Variants in ADD1 observed in about 807,000 individuals in gnomAD.
The protein encoded by ADD1 is alpha-adducin.
Under a neutral mutation model 80.5 loss-of-function variants are expected in ADD1, and 24 were observed. The observed-to-expected ratio is 0.30, with a 90% CI of 0.22 to 0.42. The LOEUF is 0.42. Ranked by LOEUF, ADD1 falls within the 10% of genes least tolerant of loss-of-function variation. The probability of loss-of-function intolerance (pLI) is 1.00; values close to 1 mark genes in which losing one functional copy is unlikely to be tolerated. For synonymous variants in ADD1, 373 were observed against 393.8 expected, an observed-to-expected ratio of 0.95 and a Z score of 0.63; for missense variants, 948 against 1,019.0, an observed-to-expected ratio of 0.93 and a Z score of 0.95.
chr4:2,844,686 T>G (rs1725909889), intron 1 of ADD1: 1 of 152,230 alleles, frequency 6.6e-6, no homozygotes, highest in Non-Finnish European at 1.5e-5. Flanking sequence ...GTAATTTGCA[T>G]TCACTTTATG....
chr4:2,906,643 C>T (rs1737117917), intron 10 of ADD1, among the ~76,000 whole-genome samples: 1 of 152,202 alleles, frequency 6.6e-6, no homozygotes, highest in Non-Finnish European at 1.5e-5. Context: ...AGGTTGGTAT[C>T]TTTTCATTTA....
chr4:2,898,839 G>A (rs960909954), intron 8 of ADD1: 6 of 422,798 alleles, frequency 1.4e-5, no homozygotes, highest in Non-Finnish European at 2.6e-5. Flanking sequence ...CATATGTGAT[G>A]TCACGTGACC....
chr4:2,907,149 A>G (rs1382201396), intron 10 of ADD1: 1 of 152,298 alleles, frequency 6.6e-6, no homozygotes, highest in African/African-American at 2.4e-5. Flanking sequence ...TATATAAAAT[A>G]TTCGACATCA....
At chr4:2,907,958 C>T in intron 11 of ADD1, 114 bp downstream of exon 11, 2 of 803,932 alleles carry the variant, frequency 2.5e-6, no homozygotes, top group Non-Finnish European at 4.3e-6. Context: ...CTGTTGTTGC[C>T]ACTGTTGCAG....
chr4:2,895,563 G>T (rs1735053335), intron 6 of ADD1, among the ~76,000 whole-genome samples: 1 of 152,152 alleles, frequency 6.6e-6, no homozygotes, highest in Non-Finnish European at 1.5e-5. Context: ...CAACCAGCAG[G>T]ACCCAGGCTG....
At chr4:2,896,045 G>A (rs1240061616) in intron 6 of ADD1, among the ~76,000 whole-genome samples, 1 of 141,624 alleles carries the variant, frequency 7.1e-6, no homozygotes, top group Non-Finnish European at 1.5e-5. Context: ...CCGCCACCTC[G>A]CATGGCTAAT....
In ADD1 at chr4:2,894,703, T is replaced by C. The variant is rs1734897126; in HGVS notation, c.713T>C (p.Val238Ala). Residue 238 changes from valine (V) to alanine (A), a missense_variant, in exon 6 of 16, where the codon GTG (valine) becomes GCG (alanine). Transcript: ENST00000683351. ...GCACGCCCGGACGTGAAGTGCGTCG[T>C]GCACATTCACACCCCAGCAGGGGCT... is the stretch of plus-strand genomic sequence containing the variant. ...YAARPDVKCV[V>A]HIHTPAGAAV... 1 of 1,603,196 alleles carries C rather than the reference T, an allele frequency of 6.2e-7. No individual in the cohort carries two copies. The highest frequency in any genetic ancestry group is 1.8e-5 in the Admixed American group (1 of 56,680).
chr4:2,885,900 C>A (rs141051695), intron 4 of ADD1, among the ~76,000 whole-genome samples: 101 of 151,994 alleles, frequency 6.6e-4, no homozygotes, highest in Middle Eastern at 3.4e-3. Context: ...GTGAGCCACC[C>A]TGCCCGGCCC....
At chr4:2,916,409 C>T (rs1193421305) in intron 14 of ADD1, among the ~76,000 whole-genome samples, 1 of 151,810 alleles carries the variant, frequency 6.6e-6, no homozygotes. Flanking sequence ...TTGGCCAGGA[C>T]GGTCTCAATG....
At chr4:2,907,925 T>G in intron 11 of ADD1, 81 bp downstream of exon 11, 1 of 1,153,430 alleles carries the variant, frequency 8.7e-7, no homozygotes, top group Non-Finnish European at 1.3e-6. Flanking sequence ...GAGCGGGTGC[T>G]TGCTTCTAGC....
intron 1 of ADD1, among the ~76,000 whole-genome samples, chr4:2,871,914 T>A (rs1247794365): frequency 6.6e-6 from 1 of 152,222 alleles, no homozygotes; most frequent in Non-Finnish European, 1.5e-5. Context: ...TACAGTTTGT[T>A]TCAATCAGGA....
At chr4:2,900,217 A>G (rs1256027266) in intron 9 of ADD1, 1 of 152,904 alleles carries the variant, frequency 6.5e-6, no homozygotes, top group Non-Finnish European at 1.5e-5. Flanking sequence ...CATGCAACGT[A>G]CGGTGCACCT....
At chr4:2,868,598 C>T (rs1729923689) in intron 1 of ADD1, among the ~76,000 whole-genome samples, 6 of 152,176 alleles carry the variant, frequency 3.9e-5, no homozygotes, top group Admixed American at 3.3e-4. Context: ...TACCCTCCTT[C>T]GGGAATAAAC....
At chr4:2,903,705 G>T (rs1360471524) in intron 9 of ADD1, among the ~76,000 whole-genome samples, 1 of 152,208 alleles carries the variant, frequency 6.6e-6, no homozygotes, top group African/African-American at 2.4e-5. Flanking sequence ...GATCTCACCT[G>T]TGCTCAAGGT....
At chr4:2,865,368 G>T (rs1729394195) in intron 1 of ADD1, among the ~76,000 whole-genome samples, 1 of 152,168 alleles carries the variant, frequency 6.6e-6, no homozygotes, top group Admixed American at 6.5e-5. Flanking sequence ...TTCCTGCCTA[G>T]CTCTAAAAAG....
At chr4:2,876,399 A>G (rs1035718301) in intron 2 of ADD1, 14 of 228,428 alleles carry the variant, frequency 6.1e-5, no homozygotes, top group Non-Finnish European at 2.5e-5. Flanking sequence ...TTAAATTACA[A>G]TTAAAAAAAT....
chr4:2,859,861 A>G (rs1939698484), intron 1 of ADD1, among the ~76,000 whole-genome samples: 1 of 152,176 alleles, frequency 6.6e-6, no homozygotes, highest in East Asian at 1.9e-4. Flanking sequence ...ATCACTTTAT[A>G]ATGACATACT....
intron 1 of ADD1, among the ~76,000 whole-genome samples, chr4:2,861,614 A>G (rs939909275): frequency 2.6e-5 from 4 of 152,192 alleles, no homozygotes; most frequent in African/African-American, 4.8e-5. Flanking sequence ...GTGTATATAA[A>G]TCAGTGGTTC....
intron 1 of ADD1, among the ~76,000 whole-genome samples, chr4:2,847,874 A>G (rs1332376227): frequency 1.3e-5 from 2 of 152,214 alleles, no homozygotes; most frequent in Admixed American, 6.5e-5. Context: ...TAAGGAGGCA[A>G]CCAGATATGC....
Sources: allele counts gnomAD v4.1 joint callset (sites outside exome capture counted in the v4.1 genomes callset), GRCh38; gene constraint gnomAD v4.1.1; transcripts MANE v1.5; gene names NCBI Gene and HGNC (gene_info 2026-07-23, HGNC 2026-07-21).